Variants in CBFA2T2 observed in about 807,000 individuals in gnomAD.
The protein encoded by CBFA2T2 is protein CBFA2T2.
A neutral mutation model predicts 62.2 loss-of-function variants in CBFA2T2; 11 were observed. That is an observed-to-expected ratio of 0.18 (90% CI 0.11 to 0.29). The LOEUF (loss-of-function observed/expected upper bound fraction) is 0.29. Among genes scored for constraint, CBFA2T2 ranks in the 10% least tolerant of loss-of-function variants. CBFA2T2 has a pLI of 1.00. For synonymous variants in CBFA2T2, 295 were observed against 287.5 expected, an observed-to-expected ratio of 1.03 and a Z score of -0.27; for missense variants, 592 against 774.1, an observed-to-expected ratio of 0.76 and a Z score of 2.79.
At chr20:33,531,444 A>C (rs1330158345) in intron 1 of CBFA2T2, among the ~76,000 whole-genome samples, 1 of 152,152 alleles carries the variant, frequency 6.6e-6, no homozygotes, top group Non-Finnish European at 1.5e-5. Flanking sequence ...TTTGAAATGC[A>C]TTTTTGTTGG....
chr20:33,619,700 C>T (rs553316714), intron 4 of CBFA2T2, 94 bp downstream of exon 4: 35 of 836,458 alleles, frequency 4.2e-5, no homozygotes, highest in South Asian at 3.1e-4. Context: ...CCGCTTGCCA[C>T]GTTTTTAGAT....
intron 1 of CBFA2T2, among the ~76,000 whole-genome samples, chr20:33,529,826 A>G (rs1213293952): frequency 6.8e-6 from 1 of 146,832 alleles, no homozygotes; most frequent in Non-Finnish European, 1.5e-5. Context: ...CTCTTGTTAC[A>G]CAGGCTGGAG....
intron 1 of CBFA2T2, among the ~76,000 whole-genome samples, chr20:33,523,917 G>C (rs1600927450): frequency 6.6e-6 from 1 of 152,040 alleles, no homozygotes; most frequent in East Asian, 1.9e-4. Context: ...CTCCTGACCT[G>C]AGGTGATCCG....
rs1198596978 is a variant in CBFA2T2 at position 33,504,394 on chromosome 20, C to T, written c.34+14093C>T. On this transcript the variant is annotated intron_variant, in intron 1 of 10. Transcript: ENST00000342704. ...GGATTGCTGGGTTCTATGATAATTT[C>T]ATATTTAACTTTTTTTTTTTTTTTT... Among the ~76,000 whole-genome samples the T allele has an allele frequency of 1.0e-4, 15 of 143,272 alleles. No homozygotes were observed. The South Asian group carries it at 2.9e-3, about 28-fold the overall frequency. 94.0% of individuals were successfully genotyped at this position (143,272 alleles called of 152,430 possible).
Position 33,628,395 on chromosome 20 carries a change from C to T in CBFA2T2, c.992C>T (p.Thr331Ile). The T allele has an allele frequency of 6.2e-7, 1 of 1,613,012 alleles. No homozygotes were observed. Among genetic ancestry groups the T allele is most frequent in the Non-Finnish European group, 8.5e-7 (1 of 1,178,958 alleles). Residue 331 changes from threonine to isoleucine, a missense_variant, in exon 7 of 11, where the codon ACA (threonine) becomes ATA (isoleucine). Thr to Ile is a moderately conservative substitution (Grantham distance 89, BLOSUM62 -1). Coordinates refer to ENST00000342704, the MANE Select transcript of CBFA2T2 (RefSeq NM_001032999.3). ...GATGAGTTGGTAGATCATCGTTTGA[C>T]AGAAAGGGAATGGGCTGATGAATGG... Reference protein sequence around the residue: ...YQDELVDHRLTEREWADEWKH... With the variant: ...YQDELVDHRLIEREWADEWKH...
chr20:33,546,608 AT>A (rs958698324), intron 1 of CBFA2T2, among the ~76,000 whole-genome samples: 120 of 144,770 alleles, frequency 8.3e-4, no homozygotes, highest in Middle Eastern at 3.5e-3. Flanking sequence ...TGCCTGGCTA[AT>A]TTTTTTTTTT....
intron 1 of CBFA2T2, among the ~76,000 whole-genome samples, chr20:33,567,804 G>A (rs896304298): frequency 4.0e-5 from 6 of 151,834 alleles, no homozygotes; most frequent in Admixed American, 1.3e-4. Context: ...GGCAGGTTTC[G>A]AACGCCTGAC....
chr20:33,522,565 A>C (rs1161225288), intron 1 of CBFA2T2, among the ~76,000 whole-genome samples: 2 of 146,386 alleles, frequency 1.4e-5, no homozygotes, highest in Non-Finnish European at 3.0e-5. Context: ...CTGTTTGTTT[A>C]AAAAAAAAAA....
At chr20:33,526,015 A>C (rs1387828382) in intron 1 of CBFA2T2, among the ~76,000 whole-genome samples, 3 of 152,046 alleles carry the variant, frequency 2.0e-5, no homozygotes, top group African/African-American at 7.2e-5. Flanking sequence ...TTGGCCTTCA[A>C]GTATAATGCT....
In CBFA2T2 at chr20:33,628,346, A is replaced by C. The variant is rs973641868; in HGVS notation, c.947-4A>C. On this transcript the variant is annotated splice_region_variant and splice_polypyrimidine_tract_variant and intron_variant, in intron 6 of 10. Transcript: ENST00000342704. ...CTTTGAATTTAATCTGTAATTTCTA[A>C]TAGGTCTAAATGGAGGCTATCAAGA... 2 of 1,601,858 alleles carry C rather than the reference A, an allele frequency of 1.2e-6. No homozygotes were observed. The highest frequency in any genetic ancestry group is 2.7e-5 in the African/African-American group (2 of 74,666).
intron 1 of CBFA2T2, among the ~76,000 whole-genome samples, chr20:33,518,858 G>A (rs2011652378): frequency 6.7e-6 from 1 of 150,340 alleles, no homozygotes; most frequent in African/African-American, 2.5e-5. Context: ...GTCTGGCTCT[G>A]TTGCCCAGGC....
Position 33,640,477 on chromosome 20 carries a change from G to A in CBFA2T2, c.1434G>A (p.Arg478=), listed in dbSNP as rs747524524. 1 of 1,614,252 alleles carries A rather than the reference G, an allele frequency of 6.2e-7. No individual in the cohort carries two copies. The highest frequency in any genetic ancestry group is 1.7e-5 in the Admixed American group (1 of 60,030). ...AGCAAACCATAGCGGATGTCAAGCGGCAGGCCGCAGAGGATGCTTTCCTCG... is the reference window on the plus strand; with the variant it reads ...AGCAAACCATAGCGGATGTCAAGCGACAGGCCGCAGAGGATGCTTTCCTCG... ...RMEQTIADVK[R]QAAEDAFLVI... Residue 478 remains arginine (R), a synonymous_variant, in exon 10 of 11, where the codon CGG becomes CGA. Transcript: ENST00000342704.
intron 10 of CBFA2T2, among the ~76,000 whole-genome samples, chr20:33,644,067 G>A (rs137895137): frequency 6.6e-6 from 1 of 151,866 alleles, no homozygotes; most frequent in African/African-American, 2.4e-5. Context: ...CCTGCCCTAG[G>A]CTGGTGCTGT....
At chr20:33,611,457 CTAGACTAGT>C in intron 3 of CBFA2T2, 122 bp downstream of exon 3, 1 of 1,079,482 alleles carries the variant, frequency 9.3e-7, no homozygotes. Flanking sequence ...ATGCTACAGA[CTAGACTAGT>C]TATTGAATAA....
intron 1 of CBFA2T2, among the ~76,000 whole-genome samples, chr20:33,510,357 C>T (rs2011487291): frequency 2.0e-5 from 3 of 151,846 alleles, no homozygotes; most frequent in South Asian, 2.1e-4. Flanking sequence ...ACTACAGGTG[C>T]CCTCCACCAC....
intron 1 of CBFA2T2, among the ~76,000 whole-genome samples, chr20:33,519,942 T>C (rs1600922731): frequency 6.6e-6 from 1 of 151,834 alleles, no homozygotes; most frequent in African/African-American, 2.4e-5. Context: ...AGGTCGGGAG[T>C]TCGAGACCAG....
intron 1 of CBFA2T2, among the ~76,000 whole-genome samples, chr20:33,524,297 G>T (rs2011820967): frequency 6.6e-6 from 1 of 151,994 alleles, no homozygotes; most frequent in Admixed American, 6.6e-5. Flanking sequence ...TTCTGGCTAG[G>T]CAGGAAAGAA....
intron 1 of CBFA2T2, among the ~76,000 whole-genome samples, chr20:33,596,937 T>C (rs539735426): frequency 1.0e-3 from 135 of 132,454 alleles, no homozygotes; most frequent in African/African-American, 2.0e-3. Flanking sequence ...TTTTTTTTTT[T>C]CTTTCTTTTT....
chr20:33,590,513 T>G (rs1322341725), intron 1 of CBFA2T2, among the ~76,000 whole-genome samples: 1 of 152,122 alleles, frequency 6.6e-6, no homozygotes, highest in Non-Finnish European at 1.5e-5. Context: ...ATTGTTTTCT[T>G]CAAATATTTG....
Sources: gnomAD v4.1 joint callset for allele counts (sites outside exome capture counted in the v4.1 genomes callset) on GRCh38, gnomAD v4.1.1 for gene constraint, MANE v1.5 for transcripts, NCBI Gene and HGNC (gene_info 2026-07-23, HGNC 2026-07-21) for gene names.